The following ZNF81 variants were observed in gnomAD, a reference collection of about 807,000 sequenced individuals.
ZNF81 encodes zinc finger protein 81 (HFZ20).
In ZNF81, 5 loss-of-function variants were observed where a neutral mutation model predicts 32.3. The observed-to-expected ratio is 0.15, with a 90% CI of 0.08 to 0.33. ZNF81 has a LOEUF of 0.33. Ranked by LOEUF, ZNF81 falls within the 10% of genes least tolerant of loss-of-function variation. The pLI is 1.00. For synonymous variants in ZNF81, 163 were observed against 166.8 expected, an observed-to-expected ratio of 0.98 and a Z score of 0.17; for missense variants, 379 against 479.8, an observed-to-expected ratio of 0.79 and a Z score of 1.96.
intron 4 of ZNF81, among the ~76,000 whole-genome samples, chrX:47,899,427 A>G (rs2058690935): frequency 9.0e-6 from 1 of 111,001 alleles, no homozygotes; most frequent in Admixed American, 9.6e-5. Context: ...TGTTGAATTA[A>G]CCTTGTATTT....
chrX:47,866,571 G>A (rs1240543948), intron 2 of ZNF81, among the ~76,000 whole-genome samples: 1 of 111,417 alleles, frequency 9.0e-6, no homozygotes, highest in Non-Finnish European at 1.9e-5. Context: ...AATTGGAGTG[G>A]CCATCTGTGC....
At chrX:47,876,120 T>C (rs1270386752) in intron 2 of ZNF81, among the ~76,000 whole-genome samples, 5 of 112,221 alleles carry the variant, frequency 4.5e-5, no homozygotes, top group Non-Finnish European at 7.5e-5. Context: ...AGCTAGGAGA[T>C]AGGATTCTTG....
intron 2 of ZNF81, among the ~76,000 whole-genome samples, chrX:47,857,381 C>T (rs1025953125): frequency 1.2e-4 from 14 of 112,396 alleles, no homozygotes; most frequent in African/African-American, 4.5e-4. Flanking sequence ...TCCCTATGCA[C>T]ATTAAAATAT....
At chrX:47,913,047 C>T (rs1351444301) in intron 4 of ZNF81, among the ~76,000 whole-genome samples, 3 of 111,135 alleles carry the variant, frequency 2.7e-5, no homozygotes, top group Non-Finnish European at 5.7e-5. Flanking sequence ...AAAACAATTA[C>T]ATCTGGATGT....
rs181281131 is a variant in ZNF81, at chrX:47,888,434, G to A, written c.181+309G>A. ...AAGATACACAGGGAGAAGATGGAAT[G>A]TGACTAGAATGATACATCTGTAAGC... On this transcript the variant is annotated intron_variant, in intron 3 of 4. Transcript: ENST00000338637. Among the ~76,000 whole-genome samples the A allele has an allele frequency of 1.5e-3, 167 of 111,100 alleles. 1 individual carries two copies. The highest frequency in any genetic ancestry group is 4.7e-3 in the Middle Eastern group (1 of 215).
chrX:47,915,485 G>A lies in ZNF81; in HGVS notation c.839G>A (p.Gly280Glu). 1.7e-6 allele frequency: 2 copies of A among 1,211,162 alleles called. No homozygotes were observed. The highest frequency in any genetic ancestry group is 2.2e-6 in the Non-Finnish European group (2 of 895,349). The change falls in exon 5 of 5, where the codon GGG (glycine) becomes GAG (glutamate). Residue 280 changes from glycine to glutamate, a missense_variant. Physicochemically the swap from Gly to Glu is moderately conservative, Grantham distance 98 (BLOSUM62 -2). Transcript: ENST00000338637. ...AAAGCAAACACATGTACTGAATTTG[G>A]GAAGATCTTCACCCAGAGGTCACAT... ...GEKANTCTEFGKIFTQRSHFF... is the reference protein window; with the variant it reads ...GEKANTCTEFEKIFTQRSHFF...
chrX:47,893,126 C>T (rs1382721764), intron 3 of ZNF81, among the ~76,000 whole-genome samples: 1 of 111,064 alleles, frequency 9.0e-6, no homozygotes, highest in East Asian at 2.8e-4. Flanking sequence ...CTTGAGAGCC[C>T]CTGATGGGAG....
At chrX:47,880,362 A>G (rs1297676927) in intron 2 of ZNF81, among the ~76,000 whole-genome samples, 2 of 111,849 alleles carry the variant, frequency 1.8e-5, no homozygotes, top group Non-Finnish European at 3.8e-5. Flanking sequence ...ACAGGTGTGC[A>G]CTACCATGCC....
intron 1 of ZNF81, among the ~76,000 whole-genome samples, chrX:47,839,504 A>C (rs782608404): frequency 8.9e-6 from 1 of 112,086 alleles, no homozygotes; most frequent in East Asian, 2.8e-4. Flanking sequence ...AAAATTATTA[A>C]ACATGTTATA....
rs2058757408 is a variant in ZNF81 at position 47,916,477 on chromosome X, A to G, written c.1831A>G (p.Ile611Val). ...AATTCACACAGGGGAGAAACCATAT[A>G]TATGTGCAGAATGTGGGAAAGCCTT... Reference protein sequence around the residue: ...QRIHTGEKPYICAECGKAFTD... With the variant: ...QRIHTGEKPYVCAECGKAFTD... The change falls in exon 5 of 5, where the codon ATA (isoleucine) becomes GTA (valine). Residue 611 changes from isoleucine (I) to valine (V), a missense_variant. By Grantham distance (29) the Ile-to-Val change is conservative (BLOSUM62 3). Coordinates refer to ENST00000338637, the MANE Select transcript of ZNF81 (RefSeq NM_007137.5). 2 of 1,211,238 alleles carry G rather than the reference A, an allele frequency of 1.7e-6. No individual in the cohort carries two copies. The highest frequency in any genetic ancestry group is 2.3e-4 in the Middle Eastern group (1 of 4,348).
At position 47,867,049 on chromosome X, in the gene ZNF81, C is replaced by A. The variant is rs2058562648; in HGVS notation, c.54+20728C>A. Among the ~76,000 whole-genome samples the A allele has an allele frequency of 2.7e-5, 3 of 111,194 alleles. No homozygotes were observed. The Admixed American group carries it at 2.9e-4, about 11-fold the overall frequency. On this transcript the variant is annotated intron_variant, in intron 2 of 4. Coordinates refer to ENST00000338637, the MANE Select transcript of ZNF81 (RefSeq NM_007137.5). ...TTTTCATTTATAAGTGGGAGCTGAACAGTGAGAACACATGGACACAGGGAG... is the reference window on the plus strand; with the variant it reads ...TTTTCATTTATAAGTGGGAGCTGAAAAGTGAGAACACATGGACACAGGGAG...
intron 2 of ZNF81, among the ~76,000 whole-genome samples, chrX:47,884,028 A>G (rs2058631143): frequency 9.1e-6 from 1 of 110,100 alleles, no homozygotes; most frequent in Non-Finnish European, 1.9e-5. Context: ...CAGGTGGATC[A>G]TGAGGTCAGG....
chrX:47,850,255 G>A (rs2058488197), intron 2 of ZNF81, among the ~76,000 whole-genome samples: 1 of 106,791 alleles, frequency 9.4e-6, no homozygotes, highest in African/African-American at 3.4e-5. Flanking sequence ...GCTCATACTT[G>A]TAATCCCAAC....
intron 2 of ZNF81, among the ~76,000 whole-genome samples, chrX:47,883,599 T>C (rs1386784999): frequency 3.6e-5 from 4 of 112,525 alleles, no homozygotes; most frequent in East Asian, 5.5e-4. Context: ...ATTTGTTTTC[T>C]ATTTCTGTTC....
chrX:47,876,657 C>T (rs2058600731), intron 2 of ZNF81, among the ~76,000 whole-genome samples: 1 of 112,340 alleles, frequency 8.9e-6, no homozygotes, highest in African/African-American at 3.2e-5. Flanking sequence ...CAATGTCCAA[C>T]ACAGTGTCCT....
intron 2 of ZNF81, among the ~76,000 whole-genome samples, chrX:47,870,382 A>G (rs868939263): frequency 8.9e-6 from 1 of 112,516 alleles, no homozygotes; most frequent in Middle Eastern, 4.6e-3. Context: ...TCAGAAAGTC[A>G]GTGAATCTTG....
Position 47,906,766 on chromosome X carries a change from G to A in ZNF81, c.278-8158G>A, listed in dbSNP as rs192047738. On this transcript the variant is annotated intron_variant, in intron 4 of 4. Transcript: ENST00000338637. ...CCAGGAGTGGAGGTTGCAGTGAGCT[G>A]AGATCATGCCACTGCACTCCAGCCT... Among the ~76,000 whole-genome samples, 560 of 112,229 alleles carry A rather than the reference G, an allele frequency of 5.0e-3. 3 individuals carry two copies. Among genetic ancestry groups the A allele is most frequent in the African/African-American group, 0.018 (547 of 30,912 alleles).
intron 2 of ZNF81, among the ~76,000 whole-genome samples, chrX:47,880,598 T>C (rs1478095072): frequency 8.9e-6 from 1 of 112,228 alleles, no homozygotes; most frequent in Admixed American, 9.5e-5. Flanking sequence ...TTGTGTACCC[T>C]GAAATGAAGT....
intron 4 of ZNF81, among the ~76,000 whole-genome samples, chrX:47,897,063 C>T (rs2058682176): frequency 1.8e-5 from 2 of 111,790 alleles, no homozygotes; most frequent in South Asian, 3.7e-4. Context: ...TGTGAACATA[C>T]GTTTACATTT....
Sources: allele counts gnomAD v4.1 joint callset (sites outside exome capture counted in the v4.1 genomes callset), GRCh38; gene constraint gnomAD v4.1.1; transcripts MANE v1.5; gene names NCBI Gene and HGNC (gene_info 2026-07-23, HGNC 2026-07-21).